NEK11: variants seen among roughly 807,000 people sequenced by gnomAD.
NEK11 encodes NIMA related kinase 11.
Under a neutral mutation model 80.7 loss-of-function variants are expected in NEK11, and 72 were observed. The observed-to-expected ratio is 0.89, with a 90% CI of 0.74 to 1.08. The LOEUF (loss-of-function observed/expected upper bound fraction) is 1.08. Ranked by LOEUF, NEK11 falls within the 50% of genes least tolerant of loss-of-function variation. NEK11 has a pLI of 0.00. For missense variants in NEK11, 764 were observed against 763.6 expected (o/e 1.00, Z -0.01); for synonymous variants, 251 against 260.7 (o/e 0.96, Z 0.36).
intron 16 of NEK11, among the ~76,000 whole-genome samples, chr3:131,251,949 A>G (rs957771637): frequency 6.6e-6 from 1 of 152,094 alleles, no homozygotes; most frequent in Non-Finnish European, 1.5e-5. Flanking sequence ...TGAGAACTTT[A>G]TTGCTTTCAG....
At chr3:131,319,960 T>TAAAA (rs1299427001) in intron 17 of NEK11, among the ~76,000 whole-genome samples, 1 of 152,062 alleles carries the variant, frequency 6.6e-6, no homozygotes, top group Non-Finnish European at 1.5e-5. Context: ...AATTCTAAAC[T>TAAAA]AAAATATTCT....
intron 16 of NEK11, among the ~76,000 whole-genome samples, chr3:131,251,428 G>T (rs1424348945): frequency 6.6e-6 from 1 of 151,912 alleles, no homozygotes; most frequent in Non-Finnish European, 1.5e-5. Context: ...TGCTATTAAG[G>T]CTGGATTAAG....
intron 5 of NEK11, among the ~76,000 whole-genome samples, chr3:131,126,877 T>TTA (rs1253228636): frequency 6.6e-6 from 1 of 151,816 alleles, no homozygotes. Context: ...AGGAATCCAT[T>TTA]TATATATATA....
At chr3:131,071,995 A>G (rs1439291981) in intron 3 of NEK11, among the ~76,000 whole-genome samples, 1 of 152,210 alleles carries the variant, frequency 6.6e-6, no homozygotes, top group East Asian at 1.9e-4. Context: ...AATGAGTGGA[A>G]TATTTACTGT....
At chr3:131,319,129 T>C (rs544488139) in intron 17 of NEK11, among the ~76,000 whole-genome samples, 2 of 152,312 alleles carry the variant, frequency 1.3e-5, no homozygotes, top group South Asian at 4.1e-4. Flanking sequence ...TTCATAGATG[T>C]GACCTTTTAT....
At chr3:131,267,419 A>G (rs758908671) in intron 16 of NEK11, among the ~76,000 whole-genome samples, 7 of 152,234 alleles carry the variant, frequency 4.6e-5, no homozygotes, top group Non-Finnish European at 1.0e-4. Context: ...GTTTGTCTGT[A>G]AAGGATTTTA....
rs374236965 is a variant in NEK11, at chr3:131,337,140, AT to A, written c.1719-12416del. On this transcript the variant is annotated intron_variant, in intron 17 of 17. Transcript: ENST00000383366. ...GTATATACCCAAAGGACTATAAATC[AT>A]GCTGCTATAAAGACACATGCACACG... is the stretch of plus-strand genomic sequence containing the variant. Among the ~76,000 whole-genome samples, 164 of 152,334 alleles carry A rather than the reference AT, an allele frequency of 1.1e-3. No individual in the cohort carries two copies. The East Asian group carries it at 0.022, about 21-fold the overall frequency.
intron 16 of NEK11, among the ~76,000 whole-genome samples, chr3:131,249,783 G>A (rs2095666981): frequency 1.3e-5 from 2 of 152,086 alleles, no homozygotes; most frequent in South Asian, 2.1e-4. Flanking sequence ...GGGAATGAGC[G>A]CTACCAGTTG....
chr3:131,078,518 A>G (rs117661367), intron 3 of NEK11, among the ~76,000 whole-genome samples: 1,529 of 152,250 alleles, frequency 0.01, 19 homozygotes, highest in East Asian at 0.072. Context: ...GGAATACTAT[A>G]CAATAGTGTG....
chr3:131,224,960 C>T (rs897209007), intron 14 of NEK11, among the ~76,000 whole-genome samples: 1 of 152,108 alleles, frequency 6.6e-6, no homozygotes, highest in Admixed American at 6.6e-5. Context: ...CAGTAAGCTG[C>T]TTAATTTATT....
intron 17 of NEK11, among the ~76,000 whole-genome samples, chr3:131,335,852 T>A (rs1321449357): frequency 6.6e-6 from 1 of 152,056 alleles, no homozygotes; most frequent in Admixed American, 6.6e-5. Context: ...AAATCATGAG[T>A]GAACTCCCAT....
chr3:131,068,578 T>A (rs964527310), intron 3 of NEK11, among the ~76,000 whole-genome samples: 5 of 152,290 alleles, frequency 3.3e-5, no homozygotes, highest in African/African-American at 1.2e-4. Context: ...CAACATTATG[T>A]CCTGAGGAGG....
chr3:131,156,337 A>C (rs2090633966), intron 10 of NEK11, among the ~76,000 whole-genome samples: 1 of 152,160 alleles, frequency 6.6e-6, no homozygotes, highest in African/African-American at 2.4e-5. Flanking sequence ...AGGTCATTAC[A>C]ATTTTCTCAT....
intron 13 of NEK11, 121 bp downstream of exon 13, chr3:131,169,058 T>TGTTTTTTCCTAAAG: frequency 1.6e-6 from 1 of 609,948 alleles, no homozygotes; most frequent in Non-Finnish European, 2.8e-6. Flanking sequence ...GTTTTAAATG[T>TGTTTTTTCCTAAAG]AGCAGGAAAA....
intron 16 of NEK11, among the ~76,000 whole-genome samples, chr3:131,257,867 T>C (rs1370656897): frequency 6.6e-6 from 1 of 152,098 alleles, no homozygotes; most frequent in Non-Finnish European, 1.5e-5. Flanking sequence ...AAAAGATACT[T>C]ACACATGCAT....
At chr3:131,135,984 C>T (rs1292250893) in intron 7 of NEK11, among the ~76,000 whole-genome samples, 5 of 151,594 alleles carry the variant, frequency 3.3e-5, no homozygotes, top group African/African-American at 7.3e-5. Flanking sequence ...AAAATTGCTC[C>T]TACTATTACA....
chr3:131,123,517 G>C (rs1282756224), intron 5 of NEK11, among the ~76,000 whole-genome samples: 2 of 152,072 alleles, frequency 1.3e-5, no homozygotes, highest in East Asian at 1.9e-4. Context: ...CTGGTTTGTT[G>C]CATAGAATTT....
At chr3:131,213,450 C>A (rs1042141012) in intron 14 of NEK11, among the ~76,000 whole-genome samples, 1 of 152,116 alleles carries the variant, frequency 6.6e-6, no homozygotes, top group South Asian at 2.1e-4. Context: ...TTCTGTCTGC[C>A]AGCAATTATA....
intron 16 of NEK11, among the ~76,000 whole-genome samples, chr3:131,262,418 A>T (rs988394225): frequency 6.6e-6 from 1 of 152,204 alleles, no homozygotes; most frequent in African/African-American, 2.4e-5. Flanking sequence ...TATGCCTATC[A>T]TATTCTATAG....
Sources: allele counts gnomAD v4.1 joint callset (sites outside exome capture counted in the v4.1 genomes callset), GRCh38; gene constraint gnomAD v4.1.1; transcripts MANE v1.5; gene names NCBI Gene and HGNC (gene_info 2026-07-23, HGNC 2026-07-21).